Variants in DOCK3 observed in about 807,000 individuals in gnomAD.
The protein encoded by DOCK3 is dedicator of cytokinesis protein 3.
DOCK3 carries 60 observed loss-of-function variants against 265.6 expected under a neutral mutation model. The observed-to-expected ratio is 0.23, with a 90% CI of 0.18 to 0.28. The LOEUF is 0.28. DOCK3 is among the 10% of genes least tolerant of loss of function. The pLI is 1.00. For missense variants in DOCK3, 1,981 were observed against 2,594.3 expected (o/e 0.76, Z 5.14); for synonymous variants, 881 against 938.0 (o/e 0.94, Z 1.11).
At chr3:51,149,741 C>G (rs956347140) in intron 10 of DOCK3, among the ~76,000 whole-genome samples, 3 of 152,164 alleles carry the variant, frequency 2.0e-5, no homozygotes, top group Admixed American at 1.3e-4. Flanking sequence ...ATTCGGTTTG[C>G]CAGTATTTTA....
At chr3:50,776,340 A>C (rs2041598176) in intron 1 of DOCK3, among the ~76,000 whole-genome samples, 1 of 151,892 alleles carries the variant, frequency 6.6e-6, no homozygotes, top group Non-Finnish European at 1.5e-5. Flanking sequence ...GATTAATGAT[A>C]TTGAGCATTT....
intron 5 of DOCK3, among the ~76,000 whole-genome samples, chr3:51,007,885 C>T (rs2078752371): frequency 6.6e-6 from 1 of 152,174 alleles, no homozygotes; most frequent in Non-Finnish European, 1.5e-5. Flanking sequence ...AGAATCCTTT[C>T]CCCGTTTCTT....
chr3:51,085,695 T>C (rs747338876), intron 7 of DOCK3, among the ~76,000 whole-genome samples: 98 of 152,034 alleles, frequency 6.4e-4, no homozygotes, highest in Non-Finnish European at 1.1e-3. Context: ...AAGTTTACAG[T>C]AATAAATACC....
chr3:51,266,797 C>T (rs2080197294), intron 23 of DOCK3, among the ~76,000 whole-genome samples: 2 of 152,110 alleles, frequency 1.3e-5, no homozygotes, highest in African/African-American at 2.4e-5. Context: ...ACACCAAAAG[C>T]AGTGGCATCA....
intron 12 of DOCK3, among the ~76,000 whole-genome samples, chr3:51,193,481 C>G (rs2088075562): frequency 2.0e-5 from 3 of 152,056 alleles, no homozygotes; most frequent in Admixed American, 1.3e-4. Context: ...GAAGTAGTTT[C>G]AAGACAATTG....
intron 14 of DOCK3, 121 bp downstream of exon 14, chr3:51,214,368 A>T: frequency 7.3e-7 from 1 of 1,377,924 alleles, no homozygotes; most frequent in Non-Finnish European, 9.7e-7. Context: ...AATCTCCCAC[A>T]TCCCAAGTCA....
intron 9 of DOCK3, among the ~76,000 whole-genome samples, chr3:51,106,281 T>C (rs1240926540): frequency 2.0e-5 from 3 of 152,174 alleles, no homozygotes; most frequent in Non-Finnish European, 4.4e-5. Context: ...CCTCAGGTAA[T>C]TTGTGGGTAC....
chr3:51,250,671 C>A (rs1355396078), intron 22 of DOCK3, among the ~76,000 whole-genome samples: 1 of 152,004 alleles, frequency 6.6e-6, no homozygotes, highest in South Asian at 2.1e-4. Flanking sequence ...AGGAAATAAA[C>A]AAGATTATGG....
intron 5 of DOCK3, among the ~76,000 whole-genome samples, chr3:51,038,707 G>A (rs1480037147): frequency 6.6e-6 from 1 of 152,138 alleles, no homozygotes; most frequent in East Asian, 1.9e-4. Flanking sequence ...CCCCAAGTAA[G>A]GGTTGAAGTA....
chr3:51,324,325 C>T (rs1349542643), intron 32 of DOCK3, among the ~76,000 whole-genome samples: 1 of 152,144 alleles, frequency 6.6e-6, no homozygotes, highest in Non-Finnish European at 1.5e-5. Flanking sequence ...TTCACAATTG[C>T]TACAAAGAGA....
chr3:50,785,874 A>G (rs762611072), intron 2 of DOCK3, among the ~76,000 whole-genome samples: 12 of 152,048 alleles, frequency 7.9e-5, no homozygotes, highest in East Asian at 7.7e-4. Flanking sequence ...AATAGTTTCA[A>G]TAGGATTTTT....
At chr3:51,071,869 C>T (rs968075482) in intron 6 of DOCK3, among the ~76,000 whole-genome samples, 1 of 152,176 alleles carries the variant, frequency 6.6e-6, no homozygotes, top group Non-Finnish European at 1.5e-5. Context: ...TGTATTGGTT[C>T]TCACTGTCCA....
intron 22 of DOCK3, among the ~76,000 whole-genome samples, chr3:51,258,662 A>T (rs558010398): frequency 6.6e-6 from 1 of 151,986 alleles, no homozygotes; most frequent in Non-Finnish European, 1.5e-5. Context: ...TGCTCCAAGA[A>T]GTTCTGTTCT....
At chr3:51,269,380 C>G (rs891063387) in intron 23 of DOCK3, among the ~76,000 whole-genome samples, 3 of 152,020 alleles carry the variant, frequency 2.0e-5, no homozygotes, top group African/African-American at 7.2e-5. Context: ...ACCTACTTTA[C>G]CACTGCTTTG....
chr3:50,898,160 G>C (rs1456013332), intron 4 of DOCK3, among the ~76,000 whole-genome samples: 1 of 147,256 alleles, frequency 6.8e-6, no homozygotes, highest in Non-Finnish European at 1.5e-5. Context: ...TTCAGAACTT[G>C]TTATTGGCCT....
intron 35 of DOCK3, among the ~76,000 whole-genome samples, chr3:51,334,137 C>T (rs778675115): frequency 3.9e-5 from 6 of 152,214 alleles, no homozygotes; most frequent in Non-Finnish European, 8.8e-5. Context: ...TGAGCTGCTG[C>T]ACCCAGCCAG....
chr3:50,869,141 A>C (rs1251218369), intron 3 of DOCK3, among the ~76,000 whole-genome samples: 1 of 149,698 alleles, frequency 6.7e-6, no homozygotes, highest in Non-Finnish European at 1.5e-5. Flanking sequence ...CGCCTGGCTA[A>C]TTTTTTGTGT....
At chr3:51,089,215 G>A (rs1458436373) in intron 7 of DOCK3, 28 bp from the exon 8 acceptor site, 1 of 1,589,942 alleles carries the variant, frequency 6.3e-7, no homozygotes, top group African/African-American at 1.3e-5. Flanking sequence ...TCCCGGTAGA[G>A]TTTATTTTTC....
chr3:50,787,317 C>A (rs1478536187), intron 2 of DOCK3: 1 of 423,740 alleles, frequency 2.4e-6, no homozygotes, highest in Non-Finnish European at 4.3e-6. Context: ...GGGCTGATCA[C>A]CTGAGGTCAG....
Sources: allele counts gnomAD v4.1 joint callset (sites outside exome capture counted in the v4.1 genomes callset), GRCh38; gene constraint gnomAD v4.1.1; transcripts MANE v1.5; gene names NCBI Gene and HGNC (gene_info 2026-07-23, HGNC 2026-07-21).